CARS2: variants seen among roughly 807,000 people sequenced by gnomAD.
CARS2 encodes the protein probable cysteine--tRNA ligase, mitochondrial.
Under a neutral mutation model 68.8 loss-of-function variants are expected in CARS2, and 52 were observed. The observed-to-expected ratio is 0.76, with a 90% CI of 0.61 to 0.95. The LOEUF (loss-of-function observed/expected upper bound fraction) is 0.95, where lower values mean the gene tolerates loss of function less well. Ranked by LOEUF, CARS2 falls within the 40% of genes least tolerant of loss-of-function variation. CARS2 has a pLI of 0.00. For synonymous variants in CARS2, 314 were observed against 303.6 expected, an observed-to-expected ratio of 1.03 and a Z score of -0.36; for missense variants, 780 against 754.2, an observed-to-expected ratio of 1.03 and a Z score of -0.40.
upstream of CARS2, among the ~76,000 whole-genome samples, chr13:110,710,690 C>T (rs1307818667): frequency 1.3e-5 from 2 of 152,092 alleles, no homozygotes. Flanking sequence ...TAAGTTTGTT[C>T]CAAAAAAGAT....
rs988108122 is a variant in CARS2, at chr13:110,653,249, C to T, written c.988-2149G>A. ...TGTGTGTGAAGAGCCCCTGTCCAAT[C>T]CAACAGTAGTTCATCAGTAATCACA... On this transcript the variant is annotated intron_variant, in intron 9 of 14. Coordinates refer to ENST00000257347, the MANE Select transcript of CARS2 (RefSeq NM_024537.4). This position sits in a 1 kb window ranked among gnomAD's most constrained non-coding sequence, Gnocchi z 5.6. Among the ~76,000 whole-genome samples, 5 of 151,988 alleles carry T rather than the reference C, an allele frequency of 3.3e-5. No homozygotes were observed. The East Asian group carries it at 9.6e-4, about 29-fold the overall frequency.
chr13:110,711,569 T>C (rs1006666639), intron 1 of CARS2, among the ~76,000 whole-genome samples: 3 of 152,242 alleles, frequency 2.0e-5, no homozygotes, highest in Non-Finnish European at 4.4e-5. Context: ...TTGTAGAAAC[T>C]AAAGTACTCA....
chr13:110,646,166 C>G (rs970928632), intron 11 of CARS2, 76 bp from the exon 12 acceptor site: 2 of 1,510,200 alleles, frequency 1.3e-6, no homozygotes, highest in Non-Finnish European at 1.8e-6. Context: ...CAGTCCTTCC[C>G]CAGGGAGAGA....
chr13:110,700,667 G>A (rs1232466703), intron 3 of CARS2, among the ~76,000 whole-genome samples: 1 of 152,250 alleles, frequency 6.6e-6, no homozygotes, highest in Non-Finnish European at 1.5e-5. Context: ...GCAGCACACA[G>A]GGTTGTTCTG....
At chr13:110,700,242 T>C (rs924644587) in intron 3 of CARS2, among the ~76,000 whole-genome samples, 7 of 152,166 alleles carry the variant, frequency 4.6e-5, no homozygotes, top group African/African-American at 1.7e-4. Flanking sequence ...TACTGAAGAC[T>C]GAAGGAGACC....
chr13:110,651,148 C>T (rs764664892), intron 9 of CARS2, 48 bp from the exon 10 acceptor site: 8 of 1,303,532 alleles, frequency 6.1e-6, no homozygotes, highest in South Asian at 4.8e-5. Flanking sequence ...TTTTACGCTT[C>T]GCACTGTTCA....
rs886281991 is a variant in CARS2 at position 110,674,633 on chromosome 13, A to C, written c.785+2341T>G. On this transcript the variant is annotated intron_variant, in intron 7 of 14. Coordinates refer to ENST00000257347, the MANE Select transcript of CARS2 (RefSeq NM_024537.4). Reference sequence around the variant, plus strand: ...GAAGAAAACGCAGGCAATACCATTCAGGCCATAGGCATGGGCAAGGACTTC... The same window carrying C: ...GAAGAAAACGCAGGCAATACCATTCCGGCCATAGGCATGGGCAAGGACTTC... Among the ~76,000 whole-genome samples the C allele has an allele frequency of 2.0e-5, 3 of 152,340 alleles. No homozygotes were observed. The East Asian group carries it at 5.8e-4, about 29-fold the overall frequency.
At chr13:110,685,992 G>A (rs376073035) in intron 5 of CARS2, among the ~76,000 whole-genome samples, 205 of 128,722 alleles carry the variant, frequency 1.6e-3, no homozygotes, top group East Asian at 2.0e-3. Context: ...CAGAAAAAAT[G>A]AAAAAAAAAA....
At chr13:110,710,506 C>T (rs1229332271), upstream of CARS2, among the ~76,000 whole-genome samples, 1 of 152,030 alleles carries the variant, frequency 6.6e-6, no homozygotes, top group African/African-American at 2.4e-5. Flanking sequence ...CTTTTTAATC[C>T]ATTTGAAATT....
At chr13:110,707,967 G>GCTAA (rs1334825826), upstream of CARS2, among the ~76,000 whole-genome samples, 1 of 152,182 alleles carries the variant, frequency 6.6e-6, no homozygotes, top group Non-Finnish European at 1.5e-5. Context: ...CTACATCAAT[G>GCTAA]CTAACCACTC....
chr13:110,665,907 A>T lies in CARS2; in HGVS notation c.919+1433T>A. The T allele has an allele frequency of 1.0e-6, 1 of 985,354 alleles. No homozygotes were observed. Among genetic ancestry groups the T allele is most frequent in the Non-Finnish European group, 1.2e-6 (1 of 829,908 alleles). The allele number at this position is 985,354 out of a possible 1,614,324, so 61.0% of individuals were successfully genotyped here. A position where few individuals can be genotyped will look rare whatever the true frequency, so the allele number is the denominator to read the frequency against. On this transcript the variant is annotated intron_variant, in intron 8 of 14. Coordinates refer to ENST00000257347, the MANE Select transcript of CARS2 (RefSeq NM_024537.4). This position sits in a 1 kb window ranked among gnomAD's most constrained non-coding sequence, Gnocchi z 4.3. ...AGGGTTTCAAAAACTAGTATTTGTTAATTTCCTGTATTTCAGATGTCAAAG... is the reference window on the plus strand; with the variant it reads ...AGGGTTTCAAAAACTAGTATTTGTTTATTTCCTGTATTTCAGATGTCAAAG...
At chr13:110,710,393 A>G (rs1180445296), upstream of CARS2, among the ~76,000 whole-genome samples, 14 of 152,224 alleles carry the variant, frequency 9.2e-5, no homozygotes, top group Non-Finnish European at 2.1e-4. Context: ...AAAAAAAGAA[A>G]AAGAATTATA....
At chr13:110,666,462 G>A (rs2062651188) in intron 8 of CARS2, 2 of 985,336 alleles carry the variant, frequency 2.0e-6, no homozygotes, top group South Asian at 9.4e-5. Flanking sequence ...GGTAATGGTA[G>A]GGGCAGAGCC....
rs1413753876 is a variant in CARS2 at position 110,705,837 on chromosome 13, C to T, written c.224+33G>A. On this transcript the variant is annotated intron_variant, in intron 1 of 14. Transcript: ENST00000257347. The surrounding 1 kb of genome is among the most constrained non-coding windows in gnomAD (Gnocchi z 4.0). ...CGTGGGAAGTCTCCGCCACGATCGG[C>T]CCCCGCCCGTGCCCCAGTCCCGCGC... 1.3e-6 allele frequency: 2 copies of T among 1,534,906 alleles called. No homozygotes were observed. The highest frequency in any genetic ancestry group is 1.8e-6 in the Non-Finnish European group (2 of 1,142,636).
chr13:110,649,459 G>A (rs2062142482), intron 10 of CARS2, among the ~76,000 whole-genome samples: 1 of 123,066 alleles, frequency 8.1e-6, no homozygotes, highest in South Asian at 2.5e-4. Context: ...GCACAGGGGA[G>A]GGAGATGGAT....
chr13:110,688,072 C>A lies in CARS2; in HGVS notation c.394-54G>T, dbSNP rs984099469. The A allele has an allele frequency of 2.4e-6, 3 of 1,245,364 alleles. No homozygotes were observed. The African/African-American group carries it at 4.4e-5, about 18-fold the overall frequency. 77.1% of individuals were successfully genotyped at this position (1,245,364 alleles called of 1,614,324 possible). ...TGAGTCTGGGGCATTCGCAACAGAA[C>A]CACCCAGCCACAAGAAAGCCCACGT... On this transcript the variant is annotated intron_variant, in intron 3 of 14. Transcript: ENST00000257347.
rs944824014 is a variant in CARS2 at position 110,644,329 on chromosome 13, A to G, written c.1416+56T>C. 2.0e-6 allele frequency: 3 copies of G among 1,522,260 alleles called. No individual in the cohort carries two copies. The African/African-American group carries it at 4.1e-5, about 21-fold the overall frequency. 94.3% of individuals were successfully genotyped at this position (1,522,260 alleles called of 1,614,324 possible). A position where few individuals can be genotyped will look rare whatever the true frequency, so the allele number is the denominator to read the frequency against. The stretch of plus-strand genomic sequence containing the variant: ...ATTCCAAGTTAAAAGGGTAAAGGTT[A>G]TTGTCCCAACATGGAGAAAATTCCA... On this transcript the variant is annotated intron_variant, in intron 13 of 14. Coordinates refer to ENST00000257347, the MANE Select transcript of CARS2 (RefSeq NM_024537.4).
intron 10 of CARS2, 108 bp from the exon 11 acceptor site, chr13:110,647,347 G>A (rs1281696677): frequency 2.6e-5 from 35 of 1,362,682 alleles, no homozygotes; most frequent in African/African-American, 4.3e-5. Flanking sequence ...GGGACCACAC[G>A]GAGAGCGGGA....
chr13:110,647,015 G>A, intron 11 of CARS2, 86 bp downstream of exon 11: 2 of 1,432,026 alleles, frequency 1.4e-6, no homozygotes, highest in Middle Eastern at 2.5e-4. Context: ...TCTCCTGGGG[G>A]CCCCTCTTCC....
Sources: allele counts gnomAD v4.1 joint callset (sites outside exome capture counted in the v4.1 genomes callset), GRCh38; gene constraint gnomAD v4.1.1; non-coding constraint Gnocchi (gnomAD v3.1); transcripts MANE v1.5; gene names NCBI Gene and HGNC (gene_info 2026-07-23, HGNC 2026-07-21).